The following CYS1 variants were observed in gnomAD, a reference collection of about 807,000 sequenced individuals.
CYS1 encodes the protein cystin-1.
Under a neutral mutation model 9.6 loss-of-function variants are expected in CYS1, and 5 were observed. That is an observed-to-expected ratio of 0.52 (90% CI 0.27 to 1.10). The LOEUF (loss-of-function observed/expected upper bound fraction) is 1.10, where lower values mean the gene tolerates loss of function less well. Ranked by LOEUF, CYS1 falls within the 50% of genes least tolerant of loss-of-function variation. The probability of loss-of-function intolerance (pLI) is 0.11; values close to 1 mark genes in which losing one functional copy is unlikely to be tolerated. For synonymous variants in CYS1, 88 were observed against 95.7 expected (o/e 0.92, Z 0.47); for missense variants, 221 against 207.9 (o/e 1.06, Z -0.39).
rs898659713 is a variant in CYS1 at position 10,080,333 on chromosome 2, G to C, written c.-110C>G. The C allele has an allele frequency of 2.8e-5, 19 of 676,466 alleles. No homozygotes were observed. The highest frequency in any genetic ancestry group is 7.3e-4 in the Middle Eastern group (1 of 1,370). 41.9% of individuals were successfully genotyped at this position (676,466 alleles called of 1,614,324 possible). On this transcript the variant is annotated 5_prime_UTR_variant, in exon 1 of 3. Transcript: ENST00000381813. This position sits in a 1 kb window ranked among gnomAD's most constrained non-coding sequence, Gnocchi z 6.4. ...GGGCGGGCTGCAGGGGGAGGCGCGG[G>C]GCGAGGTCCGGGAAGCGACCGCGGC... is the stretch of plus-strand genomic sequence containing the variant.
chr2:10,058,698 C>T lies in CYS1; in HGVS notation c.*155G>A, dbSNP rs1256801498. 2.8e-5 allele frequency: 18 copies of T among 634,310 alleles called. No homozygotes were observed. The highest frequency in any genetic ancestry group is 4.5e-4 in the Middle Eastern group (1 of 2,230). The allele number at this position is 634,310 out of a possible 1,614,324, so 39.3% of individuals were successfully genotyped here. ...ACCGCCAGTGGCTGGCCCAGGTCAG[C>T]GCGGTCTGAAAGTGGATTTGAAAGG... On this transcript the variant is annotated 3_prime_UTR_variant, in exon 3 of 3. Transcript: ENST00000381813.
intron 1 of CYS1, among the ~76,000 whole-genome samples, chr2:10,077,326 G>C (rs1661857862): frequency 6.6e-6 from 1 of 152,084 alleles, no homozygotes. Flanking sequence ...ATAATATTCA[G>C]AATGATGATT....
At chr2:10,072,076 T>C (rs1354696254) in intron 1 of CYS1, among the ~76,000 whole-genome samples, 1 of 152,136 alleles carries the variant, frequency 6.6e-6, no homozygotes, top group Non-Finnish European at 1.5e-5. Flanking sequence ...AAATTAAAGT[T>C]TCAAAGGTTA....
chr2:10,079,788 G>T, intron 1 of CYS1, 118 bp downstream of exon 1: 2 of 580,216 alleles, frequency 3.4e-6, no homozygotes, highest in African/African-American at 2.0e-5. Flanking sequence ...CGGGGAGCAC[G>T]CAAGTCGGAG....
chr2:10,065,813 G>T (rs1298829029), intron 2 of CYS1, 91 bp downstream of exon 2: 1 of 1,294,856 alleles, frequency 7.7e-7, no homozygotes, highest in Non-Finnish European at 1.1e-6. Context: ...GGACCTGGAG[G>T]AAAGTGGGGG....
intron 1 of CYS1, among the ~76,000 whole-genome samples, chr2:10,072,389 C>T (rs972148975): frequency 5.3e-5 from 8 of 152,132 alleles, no homozygotes; most frequent in African/African-American, 1.9e-4. Context: ...GTGCCCGGCC[C>T]AAAGGTTACT....
Position 10,080,354 on chromosome 2 carries a change from G to A in CYS1, c.-131C>T. ...GCGGGGCGAGGTCCGGGAAGCGACC[G>A]CGGCCAGGGGCTAGGGTTCCCGGGC... On this transcript the variant is annotated 5_prime_UTR_variant, in exon 1 of 3. Transcript: ENST00000381813. The surrounding 1 kb of genome is among the most constrained non-coding windows in gnomAD (Gnocchi z 6.4). The A allele has an allele frequency of 2.3e-6, 1 of 433,870 alleles. No individual in the cohort carries two copies. The highest frequency in any genetic ancestry group is 3.1e-6 in the Non-Finnish European group (1 of 324,486). 26.9% of individuals were successfully genotyped at this position (433,870 alleles called of 1,614,324 possible). A position where few individuals can be genotyped will look rare whatever the true frequency, so the allele number is the denominator to read the frequency against.
At chr2:10,078,047 A>G (rs1661879864) in intron 1 of CYS1, among the ~76,000 whole-genome samples, 1 of 151,932 alleles carries the variant, frequency 6.6e-6, no homozygotes, top group African/African-American at 2.4e-5. Context: ...CACAGGTTGC[A>G]GTGAGCCGGG....
intron 1 of CYS1, among the ~76,000 whole-genome samples, chr2:10,079,614 C>A (rs1661910035): frequency 1.3e-5 from 2 of 151,908 alleles, no homozygotes; most frequent in Admixed American, 1.3e-4. Context: ...GAAGGCCAGG[C>A]GGGGCCGCGG....
chr2:10,066,081 G>T, intron 1 of CYS1, 125 bp from the exon 2 acceptor site: 1 of 1,078,284 alleles, frequency 9.3e-7, no homozygotes. Flanking sequence ...GCCTCGGAGC[G>T]GAAAGGCTCT....
In CYS1 at chr2:10,080,206, G is replaced by A. The variant is rs771339437; in HGVS notation, c.18C>T (p.Ser6=). 2.9e-4 allele frequency: 306 copies of A among 1,062,070 alleles called. 1 individual carries two copies. In the Middle Eastern group the frequency reaches 4.8e-3, roughly 17 times the overall value. The allele number at this position is 1,062,070 out of a possible 1,614,324, so 65.8% of individuals were successfully genotyped here. A position where few individuals can be genotyped will look rare whatever the true frequency, so the allele number is the denominator to read the frequency against. Residue 6 remains serine, a synonymous_variant, in exon 1 of 3, where the codon AGC becomes AGT. Coordinates refer to ENST00000381813, the MANE Select transcript of CYS1 (RefSeq NM_001037160.3). The surrounding 1 kb of genome is among the most constrained non-coding windows in gnomAD (Gnocchi z 6.4). ...GCCGCCTCAGAGTCCGGCTGCTCCG[G>A]CTGCTGCCGCTGCCCATGGCGCGCC... MGSGS[S]RSSRTLRRRR...
intron 1 of CYS1, among the ~76,000 whole-genome samples, chr2:10,075,815 G>C (rs542740475): frequency 1.3e-5 from 2 of 152,258 alleles, no homozygotes; most frequent in African/African-American, 4.8e-5. Context: ...CTCAGATAAC[G>C]TACTTCCCTT....
chr2:10,057,023 G>C lies in CYS1; in HGVS notation c.*1830C>G, dbSNP rs543375415. On this transcript the variant is annotated 3_prime_UTR_variant, in exon 3 of 3. Coordinates refer to ENST00000381813, the MANE Select transcript of CYS1 (RefSeq NM_001037160.3). ...TGGAATTTTTTTCCCCTAACACTTT[G>C]ATCTCATTAAGGGTATTACACCTTT... is the stretch of plus-strand genomic sequence containing the variant. 1 of 152,224 alleles carries C rather than the reference G, an allele frequency of 6.6e-6. No individual in the cohort carries two copies. Among genetic ancestry groups the C allele is most frequent in the Non-Finnish European group, 1.5e-5 (1 of 68,008 alleles). 9.4% of individuals were successfully genotyped at this position (152,224 alleles called of 1,614,324 possible).
chr2:10,065,093 T>G (rs1250561941), intron 2 of CYS1, among the ~76,000 whole-genome samples: 1 of 152,078 alleles, frequency 6.6e-6, no homozygotes, highest in Non-Finnish European at 1.5e-5. Flanking sequence ...GCTCGCTGCT[T>G]GCATTTCCCG....
At chr2:10,066,272 C>T (rs2125288955) in intron 1 of CYS1, among the ~76,000 whole-genome samples, 1 of 152,260 alleles carries the variant, frequency 6.6e-6, no homozygotes, top group South Asian at 2.1e-4. Context: ...GACCCACTGC[C>T]ACCTAGCACG....
intron 2 of CYS1, among the ~76,000 whole-genome samples, chr2:10,060,008 G>C (rs992633071): frequency 6.6e-6 from 1 of 152,280 alleles, no homozygotes; most frequent in Non-Finnish European, 1.5e-5. Context: ...GACCTGCCAC[G>C]GTTGTGTCGA....
At chr2:10,066,423 A>G (rs1200991241) in intron 1 of CYS1, among the ~76,000 whole-genome samples, 1 of 152,136 alleles carries the variant, frequency 6.6e-6, no homozygotes, top group Non-Finnish European at 1.5e-5. Flanking sequence ...TCCAGGAACC[A>G]CGCGACCCCG....
At chr2:10,061,075 T>G (rs1661620435) in intron 2 of CYS1, among the ~76,000 whole-genome samples, 1 of 151,502 alleles carries the variant, frequency 6.6e-6, no homozygotes, top group African/African-American at 2.4e-5. Context: ...CTACAAAGAG[T>G]ACAAAAATTA....
chr2:10,060,122 G>T (rs753590910), intron 2 of CYS1, among the ~76,000 whole-genome samples: 1 of 152,366 alleles, frequency 6.6e-6, no homozygotes, highest in African/African-American at 2.4e-5. Context: ...TCGGAAGGGG[G>T]TGTGCAGGTC....
Sources: allele counts gnomAD v4.1 joint callset (sites outside exome capture counted in the v4.1 genomes callset), GRCh38; gene constraint gnomAD v4.1.1; non-coding constraint Gnocchi (gnomAD v3.1); transcripts MANE v1.5; gene names NCBI Gene and HGNC (gene_info 2026-07-23, HGNC 2026-07-21).